GHR: variants seen among roughly 807,000 people sequenced by gnomAD.
The protein encoded by GHR is growth hormone receptor, also known as GH receptor.
GHR carries 35 observed loss-of-function variants against 67.1 expected under a neutral mutation model. The observed-to-expected ratio is 0.52, with a 90% CI of 0.40 to 0.69. The LOEUF is 0.69. Among genes scored for constraint, GHR ranks in the 30% least tolerant of loss-of-function variants. GHR has a pLI of 0.00. For synonymous variants in GHR, 272 were observed against 269.1 expected, an observed-to-expected ratio of 1.01 and a Z score of -0.10; for missense variants, 792 against 764.6, an observed-to-expected ratio of 1.04 and a Z score of -0.42.
In GHR at chr5:42,423,820, TGGCGGCGGCGGCTGCTGCTGAGCCCG is replaced by T. The variant is rs1183829178; in HGVS notation, c.-135_-110del. Reference sequence around the variant, plus strand: ...GCAGCAGCAGCTGCTACAGTGGCGGTGGCGGCGGCGGCTGCTGCTGAGCCCGGGCGGCGGCGGGGACCCCGGGCTGG... The same window carrying T: ...GCAGCAGCAGCTGCTACAGTGGCGGTGGCGGCGGCGGGGACCCCGGGCTGG... On this transcript the variant is annotated 5_prime_UTR_variant, in exon 1 of 10. An upstream open reading frame in the 5' UTR loses its in-frame stop. Transcript: ENST00000230882. 2 of 164,270 alleles carry T rather than the reference TGGCGGCGGCGGCTGCTGCTGAGCCCG, an allele frequency of 1.2e-5. No individual in the cohort carries two copies. Among genetic ancestry groups the T allele is most frequent in the Non-Finnish European group, 2.6e-5 (2 of 78,170 alleles). 10.2% of individuals were successfully genotyped at this position (164,270 alleles called of 1,614,324 possible).
chr5:42,478,030 GTCTTTAATCCATCTTGAATTAATTTT>G (rs1745424384), intron 1 of GHR, among the ~76,000 whole-genome samples: 1 of 151,986 alleles, frequency 6.6e-6, no homozygotes, highest in Non-Finnish European at 1.5e-5. Flanking sequence ...TAACATGTAA[GTCTTTAATCCATCTTGAATTAATTTT>G]TGTATAAGGT....
intron 1 of GHR, chr5:42,549,696 A>C: frequency 1.0e-6 from 1 of 979,504 alleles, no homozygotes. Flanking sequence ...GTGGAAGATA[A>C]GGTAGGAAGA....
chr5:42,566,815 A>G (rs1026947705), intron 2 of GHR, among the ~76,000 whole-genome samples: 2 of 152,176 alleles, frequency 1.3e-5, no homozygotes, highest in Admixed American at 1.3e-4. Flanking sequence ...CATTCAGCTC[A>G]TGTTGGAAAA....
intron 1 of GHR, among the ~76,000 whole-genome samples, chr5:42,528,224 G>A (rs570593246): frequency 1.2e-4 from 18 of 151,944 alleles, no homozygotes; most frequent in African/African-American, 4.3e-4. Context: ...TTCTTCTGAT[G>A]GATCTAAGAA....
At chr5:42,546,719 TTG>T (rs1748747616) in intron 1 of GHR, among the ~76,000 whole-genome samples, 1 of 152,060 alleles carries the variant, frequency 6.6e-6, no homozygotes, top group Non-Finnish European at 1.5e-5. Context: ...CAAAGCATAT[TTG>T]TGTGTGAGAG....
At chr5:42,481,213 G>T (rs1408069450) in intron 1 of GHR, among the ~76,000 whole-genome samples, 1 of 152,046 alleles carries the variant, frequency 6.6e-6, no homozygotes, top group Admixed American at 6.5e-5. Flanking sequence ...TTGAATATTG[G>T]CCCCCACTCT....
rs114548954 is a variant in GHR, at chr5:42,598,441, A to G, written c.71-30597A>G. 3.2e-3 allele frequency among the ~76,000 whole-genome samples: 489 copies of G among 152,360 alleles called. 1 individual carries two copies. The highest frequency in any genetic ancestry group is 6.1e-3 in the Admixed American group (94 of 15,310). On this transcript the variant is annotated intron_variant, in intron 2 of 9. Coordinates refer to ENST00000230882, the MANE Select transcript of GHR (RefSeq NM_000163.5). ...GGTGAAATTTCCCAAGTTAGTGCAC[A>G]GGCTGCTGGGTAGGGCTTGAGGCTT... is the stretch of plus-strand genomic sequence containing the variant.
intron 1 of GHR, among the ~76,000 whole-genome samples, chr5:42,547,823 A>G (rs1748806426): frequency 6.8e-6 from 1 of 148,016 alleles, no homozygotes; most frequent in African/African-American, 2.6e-5. Flanking sequence ...ATGAAATTTT[A>G]GAATTCATTT....
At chr5:42,505,599 G>T (rs1472696137) in intron 1 of GHR, among the ~76,000 whole-genome samples, 1 of 152,124 alleles carries the variant, frequency 6.6e-6, no homozygotes, top group Non-Finnish European at 1.5e-5. Context: ...AGTCCACTGA[G>T]GTAGGTAGAC....
chr5:42,536,990 G>A (rs1420011889), intron 1 of GHR, among the ~76,000 whole-genome samples: 1 of 152,042 alleles, frequency 6.6e-6, no homozygotes, highest in African/African-American at 2.4e-5. Context: ...TTATATTTCA[G>A]TGGTGTCAGT....
intron 2 of GHR, among the ~76,000 whole-genome samples, chr5:42,606,810 G>A (rs1752650595): frequency 6.6e-6 from 1 of 151,980 alleles, no homozygotes; most frequent in African/African-American, 2.4e-5. Flanking sequence ...CTAGGAGTTG[G>A]GCAATATCGC....
At chr5:42,569,323 G>A (rs1342677142) in intron 2 of GHR, among the ~76,000 whole-genome samples, 1 of 152,150 alleles carries the variant, frequency 6.6e-6, no homozygotes, top group Non-Finnish European at 1.5e-5. Flanking sequence ...TTCGTGGAAG[G>A]CATAGGATTA....
chr5:42,542,049 G>T (rs778465334), intron 1 of GHR, among the ~76,000 whole-genome samples: 2 of 152,144 alleles, frequency 1.3e-5, no homozygotes, highest in Non-Finnish European at 2.9e-5. Flanking sequence ...TCATATATGT[G>T]GCATTAGTGT....
Position 42,699,985 on chromosome 5 carries a change from G to A in GHR, c.601G>A (p.Glu201Lys). Reference protein sequence around the residue: ...EYELQYKEVNETKWKMMDPIL... With the variant: ...EYELQYKEVNKTKWKMMDPIL... ...TGAACTTCAATACAAAGAAGTAAATGAAACTAAATGGAAAATGGTAAGATG... is the reference window on the plus strand; with the variant it reads ...TGAACTTCAATACAAAGAAGTAAATAAAACTAAATGGAAAATGGTAAGATG... Residue 201 changes from glutamate to lysine, a missense_variant, in exon 6 of 10, where the codon GAA becomes AAA. Physicochemically the swap from Glu to Lys is moderately conservative, Grantham distance 56. Transcript: ENST00000230882. 1 of 1,597,034 alleles carries A rather than the reference G, an allele frequency of 6.3e-7. No homozygotes were observed. Among genetic ancestry groups the A allele is most frequent in the Non-Finnish European group, 8.6e-7 (1 of 1,164,626 alleles).
intron 4 of GHR, among the ~76,000 whole-genome samples, chr5:42,689,957 A>G (rs978458326): frequency 1.5e-4 from 23 of 152,204 alleles, no homozygotes; most frequent in Admixed American, 1.1e-3. Context: ...AAGACCTCTC[A>G]ATATAGGTAC....
At chr5:42,452,332 T>A (rs1744084816) in intron 1 of GHR, among the ~76,000 whole-genome samples, 1 of 152,190 alleles carries the variant, frequency 6.6e-6, no homozygotes, top group African/African-American at 2.4e-5. Flanking sequence ...AGCTCTTGAT[T>A]TTTTCCTTTG....
At position 42,424,494 on chromosome 5, in the gene GHR, G is replaced by T; in HGVS notation, c.-12+539G>T. ...CGAGCTGTGCGCGTGGACACAGCGC[G>T]CAGAGCGCGCGGTCTTTTGCGCGTT... is the stretch of plus-strand genomic sequence containing the variant. On this transcript the variant is annotated intron_variant, in intron 1 of 9. Coordinates refer to ENST00000230882, the MANE Select transcript of GHR (RefSeq NM_000163.5). The surrounding 1 kb of genome is among the most constrained non-coding windows in gnomAD (Gnocchi z 4.1). 1 of 1,073,114 alleles carries T rather than the reference G, an allele frequency of 9.3e-7. No individual in the cohort carries two copies. Among genetic ancestry groups the T allele is most frequent in the Admixed American group, 2.0e-5 (1 of 50,242 alleles). The allele number at this position is 1,073,114 out of a possible 1,614,324, so 66.5% of individuals were successfully genotyped here. A position where few individuals can be genotyped will look rare whatever the true frequency, so the allele number is the denominator to read the frequency against.
intron 1 of GHR, among the ~76,000 whole-genome samples, chr5:42,555,688 G>C (rs1404198550): frequency 1.3e-5 from 2 of 152,108 alleles, no homozygotes; most frequent in East Asian, 1.9e-4. Context: ...GAAGGTACCT[G>C]GCACACTTAT....
chr5:42,699,920 G>C lies in GHR; in HGVS notation c.536G>C (p.Arg179Pro). Residue 179 changes from arginine to proline, a missense_variant, in exon 6 of 10, where the codon CGC (arginine) becomes CCC (proline). Arg to Pro is a moderately radical substitution (Grantham distance 103). Transcript: ENST00000230882. ...ATCCAAGTGAGATGGGAAGCACCAC[G>C]CAATGCAGATATTCAGAAAGGATGG... ...ADIQVRWEAP[R>P]NADIQKGWMV... 6.3e-7 allele frequency: 1 copy of C among 1,595,846 alleles called. No homozygotes were observed. Among genetic ancestry groups the C allele is most frequent in the Non-Finnish European group, 8.6e-7 (1 of 1,163,308 alleles).
Sources: allele counts gnomAD v4.1 joint callset (sites outside exome capture counted in the v4.1 genomes callset), GRCh38; gene constraint gnomAD v4.1.1; non-coding constraint Gnocchi (gnomAD v3.1); transcripts MANE v1.5; gene names NCBI Gene and HGNC (gene_info 2026-07-23, HGNC 2026-07-21).